PLD5: variants seen among roughly 807,000 people sequenced by gnomAD.
PLD5 encodes inactive phospholipase D5.
A neutral mutation model predicts 61.1 loss-of-function variants in PLD5; 36 were observed. That is an observed-to-expected ratio of 0.59 (90% CI 0.45 to 0.78). The LOEUF (loss-of-function observed/expected upper bound fraction) is 0.78, where lower values mean the gene tolerates loss of function less well. PLD5 is among the 30% of genes least tolerant of loss of function. PLD5 has a pLI of 0.00. For missense variants in PLD5, 515 were observed against 644.4 expected (o/e 0.80, Z 2.17); for synonymous variants, 243 against 242.8 (o/e 1.00, Z -0.01).
chr1:242,376,440 T>C (rs1323949989), intron 1 of PLD5, among the ~76,000 whole-genome samples: 1 of 152,188 alleles, frequency 6.6e-6, no homozygotes, highest in African/African-American at 2.4e-5. Context: ...CCTAGTGTTT[T>C]TGAGACCCAC....
intron 2 of PLD5, among the ~76,000 whole-genome samples, chr1:242,332,361 C>T (rs1659236872): frequency 6.6e-6 from 1 of 152,126 alleles, no homozygotes; most frequent in African/African-American, 2.4e-5. Context: ...GGGCATGTGT[C>T]TTCATAGAAT....
At chr1:242,326,069 G>A (rs1160582867) in intron 2 of PLD5, among the ~76,000 whole-genome samples, 3 of 151,982 alleles carry the variant, frequency 2.0e-5, no homozygotes, top group Non-Finnish European at 2.9e-5. Flanking sequence ...TAGAGACAGG[G>A]TCTCATTATG....
chr1:242,455,017 T>C (rs1666903363), intron 1 of PLD5, among the ~76,000 whole-genome samples: 1 of 152,182 alleles, frequency 6.6e-6, no homozygotes, highest in Non-Finnish European at 1.5e-5. Flanking sequence ...AGTGGAGAAA[T>C]GACTTTTTAA....
intron 1 of PLD5, among the ~76,000 whole-genome samples, chr1:242,427,465 C>T (rs2102882745): frequency 6.6e-6 from 1 of 152,234 alleles, no homozygotes; most frequent in South Asian, 2.1e-4. Context: ...AAGGTTTGTT[C>T]TACCATGATT....
intron 1 of PLD5, among the ~76,000 whole-genome samples, chr1:242,445,533 G>T (rs1169237116): frequency 1.3e-5 from 2 of 152,048 alleles, no homozygotes; most frequent in African/African-American, 4.8e-5. Flanking sequence ...TTAGAGACGG[G>T]GTTTCACCAT....
intron 1 of PLD5, among the ~76,000 whole-genome samples, chr1:242,479,945 G>A (rs1252773009): frequency 6.6e-6 from 1 of 151,974 alleles, no homozygotes; most frequent in Admixed American, 6.5e-5. Flanking sequence ...CAGCTACTTG[G>A]GAGGCTGAGG....
chr1:242,496,220 A>G (rs1668364539), intron 1 of PLD5, among the ~76,000 whole-genome samples: 1 of 152,156 alleles, frequency 6.6e-6, no homozygotes. Context: ...TCTCTTTTAA[A>G]CTGTGTAAGG....
intron 5 of PLD5, among the ~76,000 whole-genome samples, chr1:242,130,299 G>A (rs1232851513): frequency 2.0e-5 from 3 of 152,086 alleles, no homozygotes; most frequent in African/African-American, 4.8e-5. Context: ...TGATCCACCC[G>A]CCTTGGCCTC....
intron 5 of PLD5, among the ~76,000 whole-genome samples, chr1:242,154,658 G>A (rs1178294125): frequency 6.6e-6 from 1 of 152,064 alleles, no homozygotes; most frequent in Admixed American, 6.6e-5. Flanking sequence ...ATTGATTTGT[G>A]TATGTTGAAC....
intron 5 of PLD5, among the ~76,000 whole-genome samples, chr1:242,139,595 C>T (rs1256685598): frequency 1.3e-5 from 2 of 152,146 alleles, no homozygotes; most frequent in African/African-American, 4.8e-5. Context: ...CCACATCTGA[C>T]TTCCTGCACA....
At chr1:242,412,264 A>G (rs1198339797) in intron 1 of PLD5, among the ~76,000 whole-genome samples, 1 of 152,226 alleles carries the variant, frequency 6.6e-6, no homozygotes, top group South Asian at 2.1e-4. Flanking sequence ...CCATCCCATC[A>G]TGGCCATGAA....
In PLD5 at chr1:242,397,342, C is replaced by G. The variant is rs199712257; in HGVS notation, c.190-49100G>C. Among the ~76,000 whole-genome samples the G allele has an allele frequency of 1.4e-4, 16 of 113,710 alleles. No individual in the cohort carries two copies. The East Asian group carries it at 1.6e-3, about 11-fold the overall frequency. The allele number at this position is 113,710 out of a possible 152,430, so 74.6% of individuals were successfully genotyped here. ...ATTATCCTTGACTTCTGTTTTTTTTCTTTGTTTTTTTTTTCCTCATATTTT... is the reference window on the plus strand; with the variant it reads ...ATTATCCTTGACTTCTGTTTTTTTTGTTTGTTTTTTTTTTCCTCATATTTT... On this transcript the variant is annotated intron_variant, in intron 1 of 9. Transcript: ENST00000536534.
chr1:242,409,794 C>G (rs988505983), intron 1 of PLD5, among the ~76,000 whole-genome samples: 2 of 152,170 alleles, frequency 1.3e-5, no homozygotes, highest in Admixed American at 1.3e-4. Flanking sequence ...TAAAGGAAGG[C>G]CGCCATGATG....
chr1:242,420,716 G>A (rs1317705321), intron 1 of PLD5, among the ~76,000 whole-genome samples: 1 of 152,066 alleles, frequency 6.6e-6, no homozygotes. Context: ...GCCAGTCAAT[G>A]CCATCAAAAC....
chr1:242,185,949 G>A (rs893051886), intron 5 of PLD5, among the ~76,000 whole-genome samples: 3 of 152,022 alleles, frequency 2.0e-5, no homozygotes, highest in Admixed American at 6.6e-5. Flanking sequence ...AACTCAGAGT[G>A]ATTACCCAGA....
chr1:242,382,895 T>G (rs1223473495), intron 1 of PLD5, among the ~76,000 whole-genome samples: 1 of 152,160 alleles, frequency 6.6e-6, no homozygotes, highest in African/African-American at 2.4e-5. Flanking sequence ...TTCTGTTAAA[T>G]GTCTTCAAGG....
At chr1:242,456,515 C>T (rs1181855315) in intron 1 of PLD5, among the ~76,000 whole-genome samples, 2 of 152,152 alleles carry the variant, frequency 1.3e-5, no homozygotes, top group Admixed American at 6.6e-5. Flanking sequence ...TTTAAAGTGA[C>T]TGAAACACCT....
At chr1:242,244,278 A>C (rs1672232640) in intron 4 of PLD5, among the ~76,000 whole-genome samples, 1 of 152,230 alleles carries the variant, frequency 6.6e-6, no homozygotes, top group African/African-American at 2.4e-5. Flanking sequence ...CCTCACCGGC[A>C]GGCACATAAG....
intron 3 of PLD5, among the ~76,000 whole-genome samples, chr1:242,285,300 C>G (rs1427191666): frequency 2.6e-5 from 4 of 152,146 alleles, no homozygotes; most frequent in Non-Finnish European, 4.4e-5. Flanking sequence ...CAGTTCAAGA[C>G]CAGCCTGGCT....
Sources: gnomAD v4.1 joint callset for allele counts (sites outside exome capture counted in the v4.1 genomes callset) on GRCh38, gnomAD v4.1.1 for gene constraint, MANE v1.5 for transcripts, NCBI Gene and HGNC (gene_info 2026-07-23, HGNC 2026-07-21) for gene names.